Variants in TGIF1 observed in about 807,000 individuals in gnomAD.
The protein encoded by TGIF1 is homeobox protein TGIF1.
A neutral mutation model predicts 19.3 loss-of-function variants in TGIF1; 4 were observed. The ratio of observed to expected loss-of-function variants is 0.21; its 90% CI spans 0.10 to 0.47. TGIF1 has a LOEUF of 0.47. TGIF1 is among the 20% of genes least tolerant of loss of function. The pLI is 0.98. For synonymous variants in TGIF1, 122 were observed against 129.3 expected (o/e 0.94, Z 0.38); for missense variants, 275 against 341.4 (o/e 0.81, Z 1.53).
chr18:3,425,604 C>T (rs2082456229), intron 2 of TGIF1, among the ~76,000 whole-genome samples: 2 of 152,090 alleles, frequency 1.3e-5, no homozygotes, highest in South Asian at 2.1e-4. Flanking sequence ...CTCTGGTGGG[C>T]CCCACCCAGA....
upstream of TGIF1, chr18:3,449,917 C>T: frequency 1.0e-6 from 1 of 985,940 alleles, no homozygotes. Context: ...TCGGCTGGTG[C>T]CCCCACCGCC....
chr18:3,440,299 C>G (rs2082665646), intron 2 of TGIF1, among the ~76,000 whole-genome samples: 1 of 151,836 alleles, frequency 6.6e-6, no homozygotes, highest in African/African-American at 2.4e-5. Context: ...TGCAAGTGAG[C>G]CGATATCGTG....
rs561551571 is a variant in TGIF1 at position 3,444,870 on chromosome 18, G to A, written c.-44-11484G>A. On this transcript the variant is annotated intron_variant, in intron 2 of 3. Transcript: ENST00000401449. ...AAATAATTGAAAACTGTGATGTTATGGAAGAAATAAAGGATTGAGCTAGAT... is the reference window on the plus strand; with the variant it reads ...AAATAATTGAAAACTGTGATGTTATAGAAGAAATAAAGGATTGAGCTAGAT... Among the ~76,000 whole-genome samples the A allele has an allele frequency of 5.3e-5, 8 of 152,304 alleles. 1 individual carries two copies. In the South Asian group the frequency reaches 1.7e-3, roughly 32 times the overall value.
In TGIF1 at chr18:3,459,805, C is replaced by G. The variant is rs765893274; in HGVS notation, c.*1865C>G. 1 of 152,158 alleles carries G rather than the reference C, an allele frequency of 6.6e-6. No individual in the cohort carries two copies. The highest frequency in any genetic ancestry group is 1.5e-5 in the Non-Finnish European group (1 of 68,028). 9.4% of individuals were successfully genotyped at this position (152,158 alleles called of 1,614,324 possible). On this transcript the variant is annotated 3_prime_UTR_variant, in exon 3 of 3. Coordinates refer to ENST00000343820, the MANE Select transcript of TGIF1 (RefSeq NM_003244.4). ...CATTTTTTCCCTATTGAGGTTGTTA[C>G]AGGTCATGGTTGATAATAGTTGGTG... is the stretch of plus-strand genomic sequence containing the variant.
chr18:3,434,332 T>C (rs887411380), intron 2 of TGIF1, among the ~76,000 whole-genome samples: 1 of 151,676 alleles, frequency 6.6e-6, no homozygotes, highest in Non-Finnish European at 1.5e-5. Context: ...AGGTCAGGAG[T>C]TCGAGACCAG....
rs1281850244 is a variant in TGIF1 at position 3,456,370 on chromosome 18, T to C, written c.33T>C (p.Ser11=). 1 of 1,614,242 alleles carries C rather than the reference T, an allele frequency of 6.2e-7. No homozygotes were observed. The highest frequency in any genetic ancestry group is 8.5e-7 in the Non-Finnish European group (1 of 1,180,030). The part of the protein sequence containing the change: MKGKKGIVAA[S]GSETEDEDSM... ...CTTTCCTAGGTATTGTTGCAGCATCTGGCAGTGAGACTGAGGATGAGGACA... is the reference window on the plus strand; with the variant it reads ...CTTTCCTAGGTATTGTTGCAGCATCCGGCAGTGAGACTGAGGATGAGGACA... Residue 11 remains serine (S), a synonymous_variant, in exon 2 of 3, where the codon TCT becomes TCC. Coordinates refer to ENST00000343820, the MANE Select transcript of TGIF1 (RefSeq NM_003244.4). This position sits in a 1 kb window ranked among gnomAD's most constrained non-coding sequence, Gnocchi z 4.2.
chr18:3,425,881 A>G (rs57875676), intron 2 of TGIF1, among the ~76,000 whole-genome samples: 3,550 of 152,162 alleles, frequency 0.023, 118 homozygotes, highest in African/African-American at 0.068. Flanking sequence ...TTACGAGGAC[A>G]TCCAACTGGT....
upstream of TGIF1, among the ~76,000 whole-genome samples, chr18:3,445,259 C>A (rs1029958327): frequency 6.6e-6 from 1 of 152,160 alleles, no homozygotes; most frequent in African/African-American, 2.4e-5. Context: ...GGTGAAGGAA[C>A]ATCCCGGGCA....
chr18:3,413,295 G>T (rs775412952), intron 1 of TGIF1, among the ~76,000 whole-genome samples: 24 of 152,006 alleles, frequency 1.6e-4, no homozygotes, highest in Non-Finnish European at 2.9e-4. Context: ...TATTCTTCTT[G>T]GCCCTGCCCT....
At chr18:3,449,302 C>A (rs561214651), upstream of TGIF1, 4 of 754,218 alleles carry the variant, frequency 5.3e-6, no homozygotes, top group Non-Finnish European at 6.5e-6. Flanking sequence ...GGCGTGGTCA[C>A]CCCTTAGCTA....
At chr18:3,431,644 A>G (rs1008315451) in intron 2 of TGIF1, among the ~76,000 whole-genome samples, 3 of 152,146 alleles carry the variant, frequency 2.0e-5, no homozygotes, top group African/African-American at 7.2e-5. Context: ...ATGGATGATA[A>G]AACTAAAGGG....
intron 1 of TGIF1, among the ~76,000 whole-genome samples, 183 bp downstream of exon 1, chr18:3,450,688 C>G (rs2082883645): frequency 6.6e-6 from 1 of 152,188 alleles, no homozygotes. Context: ...CTGCTAGACA[C>G]AACACGAGGG....
chr18:3,415,346 G>A (rs371121858), intron 1 of TGIF1: 25 of 371,308 alleles, frequency 6.7e-5, no homozygotes, highest in Non-Finnish European at 8.4e-5. Context: ...CTTATGATGC[G>A]CAAAAGCCTA....
intron 2 of TGIF1, among the ~76,000 whole-genome samples, chr18:3,427,451 G>A (rs6506125): frequency 3.3e-5 from 5 of 150,752 alleles, no homozygotes; most frequent in Admixed American, 6.6e-5. Context: ...GCCACCACAC[G>A]TGGCTAATTT....
At chr18:3,452,722 C>G (rs1478506907) in intron 1 of TGIF1, among the ~76,000 whole-genome samples, 5 of 152,160 alleles carry the variant, frequency 3.3e-5, no homozygotes, top group Admixed American at 2.6e-4. Context: ...GAGGGGGGAG[C>G]CTTCCCCGTC....
At chr18:3,448,375 C>T (rs968079713), upstream of TGIF1, 15 of 1,006,602 alleles carry the variant, frequency 1.5e-5, 1 homozygote, top group South Asian at 3.6e-4. Flanking sequence ...TAACGGGCGG[C>T]GGGGGCGCTG....
At chr18:3,449,774 G>C (rs576831070), upstream of TGIF1, 1 of 985,548 alleles carries the variant, frequency 1.0e-6, no homozygotes, top group East Asian at 1.1e-4. Context: ...AAAACGAGAC[G>C]GGGAGGCTTT....
At chr18:3,450,137 C>T (rs1042663922), upstream of TGIF1, 3 of 1,114,678 alleles carry the variant, frequency 2.7e-6, no homozygotes, top group Non-Finnish European at 3.3e-6. Context: ...GGGGCGGAGG[C>T]AGGACCTCCT....
intron 2 of TGIF1, among the ~76,000 whole-genome samples, chr18:3,435,302 C>T (rs955778700): frequency 6.6e-6 from 1 of 151,786 alleles, no homozygotes. Flanking sequence ...AAGCGATTCT[C>T]CTTCCTGCCT....
Sources: allele counts gnomAD v4.1 joint callset (sites outside exome capture counted in the v4.1 genomes callset), GRCh38; gene constraint gnomAD v4.1.1; non-coding constraint Gnocchi (gnomAD v3.1); transcripts MANE v1.5; gene names NCBI Gene and HGNC (gene_info 2026-07-23, HGNC 2026-07-21).